Variants in TAB2 observed in about 807,000 individuals in gnomAD.
TAB2 encodes TGF-beta-activated kinase 1 and MAP3K7-binding protein 2.
In TAB2, 3 loss-of-function variants were observed where a neutral mutation model predicts 65.0. The ratio of observed to expected loss-of-function variants is 0.05; its 90% CI spans 0.02 to 0.12. The LOEUF is 0.12. Ranked by LOEUF, TAB2 falls within the 10% of genes least tolerant of loss-of-function variation. TAB2 has a pLI of 1.00. For synonymous variants in TAB2, 298 were observed against 285.1 expected (o/e 1.05, Z -0.46); for missense variants, 623 against 840.3 (o/e 0.74, Z 3.20).
chr6:149,292,624 G>C (rs1022519036), intron 1 of TAB2, among the ~76,000 whole-genome samples: 5 of 152,106 alleles, frequency 3.3e-5, no homozygotes, highest in Non-Finnish European at 5.9e-5. Context: ...ATTCAAATAG[G>C]TAAATTAAGG....
chr6:149,311,541 G>A (rs916949057), intron 1 of TAB2, among the ~76,000 whole-genome samples: 1 of 152,176 alleles, frequency 6.6e-6, no homozygotes, highest in African/African-American at 2.4e-5. Context: ...TCTATTCAAA[G>A]CCCCACTGTT....
chr6:149,409,798 G>C lies in TAB2; in HGVS notation c.*79G>C. 1 of 1,533,920 alleles carries C rather than the reference G, an allele frequency of 6.5e-7. No homozygotes were observed. The highest frequency in any genetic ancestry group is 9.0e-7 in the Non-Finnish European group (1 of 1,109,952). ...TCTGTCATCGGGAAAAAGTTTCACT[G>C]CTACATAGGATTTTGTCAAATTGAA... On this transcript the variant is annotated 3_prime_UTR_variant, in exon 7 of 7. Transcript: ENST00000637181.
In TAB2 at chr6:149,371,722, A is replaced by G. The variant is rs778969710; in HGVS notation, c.102+1623A>G. Among the ~76,000 whole-genome samples, 6 of 152,226 alleles carry G rather than the reference A, an allele frequency of 3.9e-5. 1 individual carries two copies. Among genetic ancestry groups the G allele is most frequent in the Admixed American group, 2.0e-4 (3 of 15,292 alleles). On this transcript the variant is annotated intron_variant, in intron 2 of 6. Coordinates refer to ENST00000637181, the MANE Select transcript of TAB2 (RefSeq NM_001292034.3). Reference sequence around the variant, plus strand: ...GTAACTGATTCATAGTGAGTATTCAATAAATGTTAGCAGCCAATACTAAAA... The same window carrying G: ...GTAACTGATTCATAGTGAGTATTCAGTAAATGTTAGCAGCCAATACTAAAA...
At chr6:149,357,890 G>A (rs553907457) in intron 1 of TAB2, among the ~76,000 whole-genome samples, 60 of 152,098 alleles carry the variant, frequency 3.9e-4, no homozygotes, top group African/African-American at 1.1e-3. Context: ...TAGTAGAGAC[G>A]AGATTTCACC....
chr6:149,218,887 A>G, intron 1 of TAB2: 1 of 424,070 alleles, frequency 2.4e-6, no homozygotes, highest in Non-Finnish European at 4.8e-6. Flanking sequence ...CTGTGAGTAA[A>G]GAAAGGAGAC....
intron 1 of TAB2, among the ~76,000 whole-genome samples, chr6:149,345,546 G>C (rs1780266162): frequency 6.8e-6 from 1 of 147,674 alleles, no homozygotes; most frequent in Admixed American, 7.0e-5. Context: ...TTATAGTAAT[G>C]CATGAATATG....
chr6:149,304,910 A>G (rs1779034888), intron 1 of TAB2, among the ~76,000 whole-genome samples: 1 of 151,208 alleles, frequency 6.6e-6, no homozygotes, highest in South Asian at 2.1e-4. Context: ...CTTCTCATAT[A>G]CTTTAATCAT....
intron 1 of TAB2, among the ~76,000 whole-genome samples, chr6:149,301,104 G>A (rs917745281): frequency 1.3e-5 from 2 of 152,198 alleles, no homozygotes; most frequent in African/African-American, 4.8e-5. Flanking sequence ...GTCCACATTG[G>A]GATGGCTGGA....
intron 1 of TAB2, among the ~76,000 whole-genome samples, chr6:149,279,625 G>A (rs556983991): frequency 2.2e-4 from 34 of 152,264 alleles, no homozygotes; most frequent in South Asian, 1.7e-3. Flanking sequence ...TATCTGGCCC[G>A]AAATATCTCA....
intron 1 of TAB2, among the ~76,000 whole-genome samples, chr6:149,226,826 T>TC (rs1330269905): frequency 6.6e-6 from 1 of 152,188 alleles, no homozygotes; most frequent in Non-Finnish European, 1.5e-5. Flanking sequence ...AAAGCAACAT[T>TC]CCAAACAGAC....
At chr6:149,369,848 T>C in intron 1 of TAB2, 61 bp from the exon 2 acceptor site, 1 of 668,340 alleles carries the variant, frequency 1.5e-6, no homozygotes, top group South Asian at 1.7e-5. Flanking sequence ...AAATTTTAAA[T>C]CCACAACAAT....
intron 1 of TAB2, among the ~76,000 whole-genome samples, chr6:149,285,938 C>T (rs375232072): frequency 6.6e-6 from 1 of 152,044 alleles, no homozygotes. Flanking sequence ...TGAGAACGCA[C>T]GTTGAGAACC....
At chr6:149,294,987 T>C (rs1778849640) in intron 1 of TAB2, among the ~76,000 whole-genome samples, 1 of 152,228 alleles carries the variant, frequency 6.6e-6, no homozygotes, top group South Asian at 2.1e-4. Flanking sequence ...GACACAGTCA[T>C]ATCACGTAAA....
intron 1 of TAB2, among the ~76,000 whole-genome samples, chr6:149,319,713 C>T (rs950891695): frequency 6.6e-6 from 1 of 152,142 alleles, no homozygotes; most frequent in African/African-American, 2.4e-5. Context: ...AAGTTGAATA[C>T]GTCAATTATA....
intron 1 of TAB2, among the ~76,000 whole-genome samples, chr6:149,270,792 C>T (rs779328283): frequency 1.3e-5 from 2 of 152,162 alleles, no homozygotes; most frequent in Non-Finnish European, 2.9e-5. Context: ...TCAACTCGCC[C>T]AGCTTTGTCT....
chr6:149,399,919 A>G (rs1037068418), intron 6 of TAB2, among the ~76,000 whole-genome samples: 1 of 152,258 alleles, frequency 6.6e-6, no homozygotes, highest in African/African-American at 2.4e-5. Context: ...GAGGTTGTAA[A>G]GATGCAGTAG....
Position 149,317,846 on chromosome 6 carries a change from GGGGA to G in TAB2, c.-247_-244del, listed in dbSNP as rs1391950938. The G allele has an allele frequency of 2.5e-5, 4 of 162,694 alleles. No homozygotes were observed. Among genetic ancestry groups the G allele is most frequent in the Non-Finnish European group, 5.4e-5 (4 of 74,690 alleles). 10.1% of individuals were successfully genotyped at this position (162,694 alleles called of 1,614,324 possible). On this transcript the variant is annotated 5_prime_UTR_variant, in exon 1 of 7. Coordinates refer to ENST00000637181, the MANE Select transcript of TAB2 (RefSeq NM_001292034.3). The surrounding 1 kb of genome is among the most constrained non-coding windows in gnomAD (Gnocchi z 4.7). ...GGCGGGCGAGCGGAGGGGGCTGAGC[GGGGA>G]GGGAGGGAGGGCTGAGGTGTCCCCC...
At chr6:149,262,407 C>T (rs1778172754) in intron 1 of TAB2, among the ~76,000 whole-genome samples, 1 of 152,058 alleles carries the variant, frequency 6.6e-6, no homozygotes, top group Non-Finnish European at 1.5e-5. Context: ...GTGGTGGGTG[C>T]CTGTAATCCC....
chr6:149,354,251 A>G (rs746026260), intron 1 of TAB2, among the ~76,000 whole-genome samples: 47 of 152,284 alleles, frequency 3.1e-4, no homozygotes, highest in Admixed American at 5.2e-4. Flanking sequence ...CTGAAATCGA[A>G]AGAGAAGTAG....
Sources: allele counts gnomAD v4.1 joint callset (sites outside exome capture counted in the v4.1 genomes callset), GRCh38; gene constraint gnomAD v4.1.1; non-coding constraint Gnocchi (gnomAD v3.1); transcripts MANE v1.5; gene names NCBI Gene and HGNC (gene_info 2026-07-23, HGNC 2026-07-21).